Variants in RBFOX1 observed in about 807,000 individuals in gnomAD.
The protein encoded by RBFOX1 is RNA binding protein fox-1 homolog 1.
RBFOX1 carries 8 observed loss-of-function variants against 57.7 expected under a neutral mutation model. The observed-to-expected ratio is 0.14, with a 90% confidence interval of 0.08 to 0.25. The LOEUF is 0.25. Among genes scored for constraint, RBFOX1 ranks in the 10% least tolerant of loss-of-function variants. The probability of loss-of-function intolerance (pLI) is 1.00; values close to 1 mark genes in which losing one functional copy is unlikely to be tolerated. For synonymous variants in RBFOX1, 326 were observed against 222.4 expected (o/e 1.47, Z -4.15); for missense variants, 611 against 548.5 (o/e 1.11, Z -1.14).
At chr16:6,473,251 G>A (rs1207421157) in intron 2 of RBFOX1, among the ~76,000 whole-genome samples, 3 of 152,084 alleles carry the variant, frequency 2.0e-5, no homozygotes, top group Non-Finnish European at 4.4e-5. Flanking sequence ...CACCCTCCGA[G>A]GCTTTTTGTT....
intron 4 of RBFOX1, among the ~76,000 whole-genome samples, chr16:7,403,528 T>A (rs1325874954): frequency 6.7e-6 from 1 of 149,058 alleles, no homozygotes; most frequent in Non-Finnish European, 1.5e-5. Flanking sequence ...CATAATGTCC[T>A]CCAGGTTCAC....
At chr16:6,670,377 T>C (rs539769672) in intron 3 of RBFOX1, among the ~76,000 whole-genome samples, 25 of 152,256 alleles carry the variant, frequency 1.6e-4, no homozygotes, top group African/African-American at 4.6e-4. Flanking sequence ...GACAAACATA[T>C]GTATTTTTAA....
intron 4 of RBFOX1, among the ~76,000 whole-genome samples, chr16:7,053,555 A>C (rs2050836188): frequency 6.6e-6 from 1 of 152,194 alleles, no homozygotes; most frequent in African/African-American, 2.4e-5. Context: ...TAAATGCCTG[A>C]GAATTAAGAT....
At chr16:6,629,304 G>T (rs1334783373) in intron 2 of RBFOX1, among the ~76,000 whole-genome samples, 2 of 152,144 alleles carry the variant, frequency 1.3e-5, no homozygotes, top group Non-Finnish European at 2.9e-5. Context: ...AAATGTGCGA[G>T]GCTACACTGA....
intron 1 of RBFOX1, among the ~76,000 whole-genome samples, chr16:6,239,937 A>G (rs774998501): frequency 3.3e-5 from 5 of 152,088 alleles, no homozygotes; most frequent in Non-Finnish European, 5.9e-5. Flanking sequence ...GTAATCCCCA[A>G]TGGTGGGGGG....
intron 1 of RBFOX1, chr16:5,365,945 G>A (rs898898796): frequency 4.0e-6 from 2 of 494,384 alleles, no homozygotes; most frequent in South Asian, 3.0e-5. Flanking sequence ...TCAGTTTAGG[G>A]GCTGGTGTGA....
At chr16:6,541,564 C>T (rs1015765503) in intron 2 of RBFOX1, among the ~76,000 whole-genome samples, 14 of 152,016 alleles carry the variant, frequency 9.2e-5, no homozygotes, top group African/African-American at 9.7e-5. Flanking sequence ...TTTTTCTAAG[C>T]GCAATGGAAA....
chr16:7,412,538 G>A (rs2149129318), intron 4 of RBFOX1, among the ~76,000 whole-genome samples: 1 of 152,102 alleles, frequency 6.6e-6, no homozygotes, highest in South Asian at 2.1e-4. Context: ...TTTAAAAAGG[G>A]AAAATAAACA....
chr16:7,460,342 T>G (rs2150498174), intron 4 of RBFOX1, among the ~76,000 whole-genome samples: 1 of 142,440 alleles, frequency 7.0e-6, no homozygotes, highest in Non-Finnish European at 1.5e-5. Context: ...TTGGCCAGAT[T>G]ATATGATTTG....
chr16:6,662,376 A>G (rs2098707140), intron 3 of RBFOX1, among the ~76,000 whole-genome samples: 1 of 152,192 alleles, frequency 6.6e-6, no homozygotes, highest in Non-Finnish European at 1.5e-5. Flanking sequence ...AAAAGGTCAC[A>G]TTGTATCTGT....
At chr16:5,379,479 C>T (rs1267626008) in intron 1 of RBFOX1, among the ~76,000 whole-genome samples, 2 of 147,192 alleles carry the variant, frequency 1.4e-5, no homozygotes, top group Non-Finnish European at 2.9e-5. Flanking sequence ...CTGAATGACA[C>T]AGTCATTCAC....
Position 7,225,905 on chromosome 16 carries a change from A to AATAAATAT in RBFOX1, c.27+173810_27+173811insAATATATA, listed in dbSNP as rs66510060. The stretch of plus-strand genomic sequence containing the variant: ...GTACCCTAGAACTTAAAGTATAATA[A>AATAAATAT]ATATATATATATATAAATGTGAATG... On this transcript the variant is annotated intron_variant, in intron 4 of 15. Coordinates refer to ENST00000550418, the MANE Select transcript of RBFOX1 (RefSeq NM_018723.4). 4.7e-3 allele frequency among the ~76,000 whole-genome samples: 437 copies of AATAAATAT among 93,742 alleles called. 22 individuals are homozygous for AATAAATAT. Among genetic ancestry groups the AATAAATAT allele is most frequent in the African/African-American group, 0.02 (411 of 20,992 alleles). The allele number at this position is 93,742 out of a possible 152,430, so 61.5% of individuals were successfully genotyped here.
At chr16:6,540,355 T>G (rs145817779) in intron 2 of RBFOX1, among the ~76,000 whole-genome samples, 19 of 151,340 alleles carry the variant, frequency 1.3e-4, no homozygotes, top group African/African-American at 4.6e-4. Flanking sequence ...GGCTCACACT[T>G]GTAATCCCAG....
At chr16:7,254,018 A>C (rs1451603718) in intron 4 of RBFOX1, among the ~76,000 whole-genome samples, 3 of 152,160 alleles carry the variant, frequency 2.0e-5, no homozygotes, top group Admixed American at 2.0e-4. Context: ...AGGGATGGAA[A>C]GTGTAAATCC....
At chr16:6,363,442 G>A (rs899859020) in intron 2 of RBFOX1, among the ~76,000 whole-genome samples, 1 of 152,208 alleles carries the variant, frequency 6.6e-6, no homozygotes, top group African/African-American at 2.4e-5. Context: ...CAAAGGGACT[G>A]GAGACTGATC....
intron 2 of RBFOX1, among the ~76,000 whole-genome samples, chr16:5,540,390 C>A (rs556531921): frequency 2.6e-4 from 39 of 152,334 alleles, no homozygotes; most frequent in Non-Finnish European, 5.7e-4. Context: ...CAGTGTTTCA[C>A]ACTTACTTGA....
chr16:7,395,376 TTAGTGGAGA>T (rs2098123876), intron 4 of RBFOX1, among the ~76,000 whole-genome samples: 1 of 152,236 alleles, frequency 6.6e-6, no homozygotes, highest in South Asian at 2.1e-4. Flanking sequence ...AATTCCCCTT[TTAGTGGAGA>T]TAAGCCGCTT....
chr16:5,451,191 G>T (rs1324416365), intron 1 of RBFOX1, among the ~76,000 whole-genome samples: 1 of 152,118 alleles, frequency 6.6e-6, no homozygotes, highest in East Asian at 1.9e-4. Flanking sequence ...CCTCTGCTCT[G>T]ATTGGTTCCA....
At chr16:7,698,247 T>G (rs930738268) in intron 14 of RBFOX1, among the ~76,000 whole-genome samples, 2 of 151,630 alleles carry the variant, frequency 1.3e-5, no homozygotes, top group South Asian at 2.1e-4. Context: ...TGGGACTCAC[T>G]AGCAGGAAGA....
Sources: gnomAD v4.1 joint callset for allele counts (sites outside exome capture counted in the v4.1 genomes callset) on GRCh38, gnomAD v4.1.1 for gene constraint, MANE v1.5 for transcripts, NCBI Gene and HGNC (gene_info 2026-07-23, HGNC 2026-07-21) for gene names.